HVCN1: variants seen among roughly 807,000 people sequenced by gnomAD.
The protein encoded by HVCN1 is hydrogen voltage gated channel 1.
HVCN1 carries 14 observed loss-of-function variants against 29.2 expected under a neutral mutation model. That is an observed-to-expected ratio of 0.48 (90% CI 0.32 to 0.75). The LOEUF is 0.75. Ranked by LOEUF, HVCN1 falls within the 30% of genes least tolerant of loss-of-function variation. The pLI is 0.04. For missense variants in HVCN1, 263 were observed against 341.8 expected (o/e 0.77, Z 1.82); for synonymous variants, 131 against 133.2 (o/e 0.98, Z 0.11).
At chr12:110,657,508 G>GAAAAA (rs529473919) in intron 4 of HVCN1, among the ~76,000 whole-genome samples, 2 of 87,146 alleles carry the variant, frequency 2.3e-5, no homozygotes, top group African/African-American at 3.7e-5. Context: ...AAAGAAAAAA[G>GAAAAA]AAAAAAAAAA....
At chr12:110,665,885 A>C (rs2068329631) in intron 3 of HVCN1, among the ~76,000 whole-genome samples, 1 of 152,128 alleles carries the variant, frequency 6.6e-6, no homozygotes, top group South Asian at 2.1e-4. Context: ...ACATGCCTGT[A>C]ATCCCAGCTA....
At chr12:110,667,986 G>A (rs2068428630) in intron 3 of HVCN1, among the ~76,000 whole-genome samples, 1 of 152,262 alleles carries the variant, frequency 6.6e-6, no homozygotes, top group South Asian at 2.1e-4. Flanking sequence ...AAGCAGAAAA[G>A]CTCCAGAAAA....
rs1358838193 is a variant in HVCN1, at chr12:110,649,130, A to G, written c.*280T>C. On this transcript the variant is annotated 3_prime_UTR_variant, in exon 8 of 8. Transcript: ENST00000242607. Reference sequence around the variant, plus strand: ...GATTAAATTTTATATACAACTAGCAATTGTCCAGCTTTGTTGCTCATTTTC... The same window carrying G: ...GATTAAATTTTATATACAACTAGCAGTTGTCCAGCTTTGTTGCTCATTTTC... 1.5e-6 allele frequency: 1 copy of G among 669,658 alleles called. No individual in the cohort carries two copies. Among genetic ancestry groups the G allele is most frequent in the Non-Finnish European group, 2.7e-6 (1 of 366,956 alleles). 41.5% of individuals were successfully genotyped at this position (669,658 alleles called of 1,614,324 possible). A position where few individuals can be genotyped will look rare whatever the true frequency, so the allele number is the denominator to read the frequency against.
chr12:110,677,089 C>T (rs2068772625), intron 3 of HVCN1, among the ~76,000 whole-genome samples: 1 of 152,084 alleles, frequency 6.6e-6, no homozygotes, highest in African/African-American at 2.4e-5. Context: ...CCTCTAGTCC[C>T]AGTTACTTGG....
Position 110,697,674 on chromosome 12 carries a change from G to A in HVCN1, c.-104+4635C>T, listed in dbSNP as rs531043421. Reference sequence around the variant, plus strand: ...CTTTTTTTTTTTTTTTTTTTGAGATGGAGTCTTGCTATGTCGCCCAGGCTG... The same window carrying A: ...CTTTTTTTTTTTTTTTTTTTGAGATAGAGTCTTGCTATGTCGCCCAGGCTG... On this transcript the variant is annotated intron_variant, in intron 2 of 4. Transcript: ENST00000546713. Among the ~76,000 whole-genome samples the A allele has an allele frequency of 6.9e-3, 978 of 141,226 alleles. 1 individual carries two copies. Among genetic ancestry groups the A allele is most frequent in the Non-Finnish European group, 9.4e-3 (621 of 66,042 alleles). The allele number at this position is 141,226 out of a possible 152,430, so 92.6% of individuals were successfully genotyped here.
chr12:110,674,750 C>T (rs895683634), intron 3 of HVCN1, among the ~76,000 whole-genome samples: 17 of 152,198 alleles, frequency 1.1e-4, no homozygotes, highest in African/African-American at 3.9e-4. Context: ...TCTGAGGCCT[C>T]GCCAGCCATA....
At chr12:110,703,207 C>CA (rs758737358) in intron 1 of HVCN1, among the ~76,000 whole-genome samples, 13,431 of 98,114 alleles carry the variant, frequency 0.14, 659 homozygotes, top group Middle Eastern at 0.19. Context: ...ATGTCTCTAC[C>CA]AAAAAAAAAA....
At chr12:110,692,221 A>T (rs1056977579), upstream of HVCN1, among the ~76,000 whole-genome samples, 9 of 152,216 alleles carry the variant, frequency 5.9e-5, no homozygotes, top group African/African-American at 2.2e-4. Context: ...AAAACAAGAA[A>T]AAAGAAATAC....
intron 1 of HVCN1, among the ~76,000 whole-genome samples, chr12:110,703,077 C>T (rs540542280): frequency 1.9e-3 from 292 of 152,068 alleles, no homozygotes; most frequent in African/African-American, 6.6e-3. Context: ...TGTGAGCCAC[C>T]GCACCAGGCC....
At chr12:110,652,079 G>A (rs2067832355) in intron 5 of HVCN1, among the ~76,000 whole-genome samples, 1 of 152,238 alleles carries the variant, frequency 6.6e-6, no homozygotes, top group African/African-American at 2.4e-5. Flanking sequence ...GTGGTGTAAA[G>A]TGAAAAGGGT....
chr12:110,682,883 A>G, intron 3 of HVCN1: 1 of 290,556 alleles, frequency 3.4e-6, no homozygotes, highest in South Asian at 3.1e-5. Context: ...AAATCGCTTG[A>G]ACCCTGGGGG....
rs763981983 is a variant in HVCN1 at position 110,651,299 on chromosome 12, G to A, written c.561C>T (p.Val187=). The change falls in exon 6 of 8, where the codon GTC becomes GTT. Residue 187 remains valine, a synonymous_variant. Coordinates refer to ENST00000242607, the MANE Select transcript of HVCN1 (RefSeq NM_032369.4). ...VVVVSFILDI[V]LLFQEHQFEA... Reference sequence around the variant, plus strand: ...CAAACTGGTGCTCCTGGAACAGGAGGACAATGTCGAGGATGAATGAGACCA... The same window carrying A: ...CAAACTGGTGCTCCTGGAACAGGAGAACAATGTCGAGGATGAATGAGACCA... 1 of 1,614,066 alleles carries A rather than the reference G, an allele frequency of 6.2e-7. No individual in the cohort carries two copies. Among genetic ancestry groups the A allele is most frequent in the South Asian group, 1.1e-5 (1 of 91,082 alleles).
chr12:110,658,036 G>A lies in HVCN1; in HGVS notation c.307-2698C>T, dbSNP rs1457719785. Among the ~76,000 whole-genome samples the A allele has an allele frequency of 6.6e-6, 1 of 152,172 alleles. No individual in the cohort carries two copies. The highest frequency in any genetic ancestry group is 1.5e-5 in the Non-Finnish European group (1 of 68,024). ...TGGGAGCATGACGTGAGTGAAGTAT[G>A]AAGGGCGCTTAGCACACGGCTGGCC... On this transcript the variant is annotated intron_variant, in intron 4 of 7. Transcript: ENST00000242607. The surrounding 1 kb of genome is among the most constrained non-coding windows in gnomAD (Gnocchi z 5.0).
At chr12:110,697,418 G>A (rs542771332) in intron 2 of HVCN1, among the ~76,000 whole-genome samples, 6 of 152,160 alleles carry the variant, frequency 3.9e-5, no homozygotes, top group South Asian at 2.1e-4. Context: ...AAAGAGGAGC[G>A]TTTTGAGGAA....
In HVCN1 at chr12:110,661,315, T is replaced by G. The variant is rs535442941; in HGVS notation, c.155A>C (p.Glu52Ala). ...TGTGGGTGGTGGCTGCTCCTCCTCC[T>G]CCTCCTCCTCTTCATTCTCCCATTT... Reference protein sequence around the residue: ...YKKWENEEEEEEEEQPPPTPV... With the variant: ...YKKWENEEEEAEEEQPPPTPV... Residue 52 changes from glutamate to alanine, a missense_variant, in exon 4 of 8, where the codon GAG becomes GCG. Coordinates refer to ENST00000242607, the MANE Select transcript of HVCN1 (RefSeq NM_032369.4). The surrounding 1 kb of genome is among the most constrained non-coding windows in gnomAD (Gnocchi z 6.2). 1 of 1,614,176 alleles carries G rather than the reference T, an allele frequency of 6.2e-7. No homozygotes were observed. Among genetic ancestry groups the G allele is most frequent in the East Asian group, 2.2e-5 (1 of 44,880 alleles).
chr12:110,672,117 A>G (rs1280136034), intron 3 of HVCN1, among the ~76,000 whole-genome samples: 1 of 152,158 alleles, frequency 6.6e-6, no homozygotes, highest in African/African-American at 2.4e-5. Context: ...TTGGCCCTAA[A>G]CCAATTTATA....
intron 3 of HVCN1, among the ~76,000 whole-genome samples, chr12:110,662,367 A>G (rs2068206994): frequency 6.6e-6 from 1 of 152,264 alleles, no homozygotes; most frequent in Non-Finnish European, 1.5e-5. Context: ...CAGTAACTTC[A>G]TGAGCTTAGG....
intron 3 of HVCN1, among the ~76,000 whole-genome samples, chr12:110,667,018 C>G (rs1273213185): frequency 6.6e-6 from 1 of 152,178 alleles, no homozygotes; most frequent in Non-Finnish European, 1.5e-5. Context: ...GCTGAGGGCA[C>G]TGGTACCTCA....
At chr12:110,654,298 C>G (rs1314778145) in intron 5 of HVCN1, among the ~76,000 whole-genome samples, 1 of 151,882 alleles carries the variant, frequency 6.6e-6, no homozygotes, top group Non-Finnish European at 1.5e-5. Flanking sequence ...AGGGAAGATT[C>G]TCCTCCTATG....
Sources: gnomAD v4.1 joint callset for allele counts (sites outside exome capture counted in the v4.1 genomes callset) on GRCh38, gnomAD v4.1.1 for gene constraint, Gnocchi (gnomAD v3.1) non-coding constraint, MANE v1.5 for transcripts, NCBI Gene and HGNC (gene_info 2026-07-23, HGNC 2026-07-21) for gene names.